The following ZNF609 variants were observed in gnomAD, a reference collection of about 807,000 sequenced individuals.
ZNF609 encodes zinc finger protein 609.
A neutral mutation model predicts 109.5 loss-of-function variants in ZNF609; 11 were observed. The ratio of observed to expected loss-of-function variants is 0.10; its 90% CI spans 0.06 to 0.17. The LOEUF (loss-of-function observed/expected upper bound fraction) is 0.17, where lower values mean the gene tolerates loss of function less well. Among genes scored for constraint, ZNF609 ranks in the 10% least tolerant of loss-of-function variants. The pLI, the probability that ZNF609 is intolerant of heterozygous loss-of-function variation, is 1.00. For synonymous variants in ZNF609, 646 were observed against 662.0 expected, an observed-to-expected ratio of 0.98 and a Z score of 0.37; for missense variants, 1,559 against 1,772.4, an observed-to-expected ratio of 0.88 and a Z score of 2.16.
intron 2 of ZNF609, 65 bp downstream of exon 2, chr15:64,500,231 A>G: frequency 6.4e-7 from 1 of 1,574,680 alleles, no homozygotes. Context: ...ACTAACTGCC[A>G]AATACTATGT....
At chr15:64,598,725 C>A in intron 2 of ZNF609, among the ~76,000 whole-genome samples, 1 of 123,876 alleles carries the variant, frequency 8.1e-6, no homozygotes, top group Non-Finnish European at 1.7e-5. Context: ...AACTGTCCAT[C>A]ATACATCTTT....
chr15:64,477,136 C>CTTTTTTTTTTTTT (rs911785223), intron 1 of ZNF609, among the ~76,000 whole-genome samples: 1 of 105,784 alleles, frequency 9.5e-6, no homozygotes, highest in Non-Finnish European at 1.9e-5. Flanking sequence ...TCTTCTCTTT[C>CTTTTTTTTTTTTT]TTTTTTTTTT....
intron 3 of ZNF609, among the ~76,000 whole-genome samples, chr15:64,637,539 C>T (rs1359297636): frequency 6.6e-6 from 1 of 152,128 alleles, no homozygotes; most frequent in Non-Finnish European, 1.5e-5. Flanking sequence ...GTGTTCTAGC[C>T]AACACTTGAC....
rs377115591 is a variant in ZNF609, at chr15:64,674,519, A to G, written c.1665A>G (p.Gln555=). The change falls in exon 5 of 10, where the codon CAA becomes CAG. Residue 555 remains glutamine, a synonymous_variant. Coordinates refer to ENST00000326648, the MANE Select transcript of ZNF609 (RefSeq NM_015042.2). ...LGSCNGASVS[Q]KGSLSPARSA... ...GCTGCAACGGTGCATCTGTCTCACAAAAAGGTTCCTTGTCCCCTGCCCGCT... is the reference window on the plus strand; with the variant it reads ...GCTGCAACGGTGCATCTGTCTCACAGAAAGGTTCCTTGTCCCCTGCCCGCT... The G allele has an allele frequency of 2.4e-5, 39 of 1,614,118 alleles. No individual in the cohort carries two copies. Among genetic ancestry groups the G allele is most frequent in the East Asian group, 2.2e-4 (10 of 44,872 alleles).
At chr15:64,601,241 G>A (rs1481688214) in intron 2 of ZNF609, among the ~76,000 whole-genome samples, 5 of 152,222 alleles carry the variant, frequency 3.3e-5, no homozygotes, top group Admixed American at 3.3e-4. Flanking sequence ...TGAGGCTGAG[G>A]AAGGAGACAA....
chr15:64,648,839 T>G (rs1896373610), intron 3 of ZNF609, among the ~76,000 whole-genome samples: 1 of 152,012 alleles, frequency 6.6e-6, no homozygotes, highest in Non-Finnish European at 1.5e-5. Flanking sequence ...CATTAGGACT[T>G]GGGAAACTTC....
intron 2 of ZNF609, among the ~76,000 whole-genome samples, chr15:64,505,007 C>T (rs1893614545): frequency 6.6e-6 from 1 of 152,152 alleles, no homozygotes; most frequent in African/African-American, 2.4e-5. Context: ...AAAATGCTTA[C>T]ATACTCCAAA....
intron 2 of ZNF609, among the ~76,000 whole-genome samples, chr15:64,557,790 A>G (rs954073541): frequency 6.6e-6 from 1 of 152,070 alleles, no homozygotes; most frequent in Non-Finnish European, 1.5e-5. Context: ...TGCGCCTCCC[A>G]GGTTCACGCC....
intron 2 of ZNF609, among the ~76,000 whole-genome samples, chr15:64,526,219 G>A (rs537933114): frequency 1.3e-5 from 2 of 150,914 alleles, no homozygotes; most frequent in African/African-American, 4.9e-5. Context: ...ATTTTAAATG[G>A]AATTGTTTTC....
chr15:64,488,233 C>G (rs1893359233), intron 1 of ZNF609, among the ~76,000 whole-genome samples: 1 of 152,096 alleles, frequency 6.6e-6, no homozygotes, highest in Non-Finnish European at 1.5e-5. Context: ...GATTTGACAG[C>G]TGACTGCTAA....
rs1009443142 is a variant in ZNF609, at chr15:64,635,862, C to T, written c.973+12810C>T. 2.2e-4 allele frequency among the ~76,000 whole-genome samples: 13 copies of T among 59,592 alleles called. No homozygotes were observed. The Admixed American group carries it at 2.8e-3, about 13-fold the overall frequency. The allele number at this position is 59,592 out of a possible 152,430, so 39.1% of individuals were successfully genotyped here. On this transcript the variant is annotated intron_variant, in intron 3 of 9. Transcript: ENST00000326648. ...ACTCCATTTCTCTCTTTAACTCGCT[C>T]TCTCTCTCTCTGACTACTCTGAAAC...
intron 2 of ZNF609, among the ~76,000 whole-genome samples, chr15:64,597,908 C>A (rs1013275308): frequency 3.3e-5 from 5 of 152,132 alleles, no homozygotes; most frequent in Admixed American, 3.3e-4. Context: ...CCCTTACCTA[C>A]CCTACCCTTA....
At chr15:64,609,798 C>T (rs1292198831) in intron 2 of ZNF609, among the ~76,000 whole-genome samples, 4 of 150,042 alleles carry the variant, frequency 2.7e-5, no homozygotes, top group African/African-American at 9.8e-5. Context: ...GAGGCCAAGG[C>T]GGGTGGATCA....
At chr15:64,645,864 C>A (rs927603737) in intron 3 of ZNF609, among the ~76,000 whole-genome samples, 2 of 152,180 alleles carry the variant, frequency 1.3e-5, no homozygotes, top group Middle Eastern at 3.4e-3. Context: ...TGGTTGTTAT[C>A]AAAAATGTGG....
chr15:64,483,460 C>G (rs1893285323), intron 1 of ZNF609, among the ~76,000 whole-genome samples: 2 of 152,062 alleles, frequency 1.3e-5, no homozygotes, highest in South Asian at 4.1e-4. Context: ...AATCATGGCT[C>G]ACTGCTTCAT....
chr15:64,677,700 G>A (rs1171836825), intron 5 of ZNF609, among the ~76,000 whole-genome samples: 2 of 152,120 alleles, frequency 1.3e-5, no homozygotes, highest in Admixed American at 1.3e-4. Flanking sequence ...TAATAGTTAT[G>A]CTTCCCTCCC....
At position 64,611,961 on chromosome 15, in the gene ZNF609, T is replaced by G. The variant is rs1198775794; in HGVS notation, c.748-10866T>G. 2.6e-5 allele frequency among the ~76,000 whole-genome samples: 4 copies of G among 151,192 alleles called. No individual in the cohort carries two copies. In the East Asian group the frequency reaches 7.9e-4, roughly 30 times the overall value. ...TATGTTGGCCAGGCTGGTCTTGAACTCCTCACCTCATGATCCGCCCACCTC... is the reference window on the plus strand; with the variant it reads ...TATGTTGGCCAGGCTGGTCTTGAACGCCTCACCTCATGATCCGCCCACCTC... On this transcript the variant is annotated intron_variant, in intron 2 of 9. Transcript: ENST00000326648.
intron 1 of ZNF609, among the ~76,000 whole-genome samples, chr15:64,491,879 T>C (rs1019328039): frequency 4.6e-5 from 7 of 151,380 alleles, no homozygotes; most frequent in Non-Finnish European, 1.0e-4. Context: ...GTCTTGAGAT[T>C]GGTACCTTGT....
intron 3 of ZNF609, among the ~76,000 whole-genome samples, chr15:64,667,846 TA>T (rs906476786): frequency 6.6e-6 from 1 of 152,034 alleles, no homozygotes; most frequent in African/African-American, 2.4e-5. Context: ...AAATAGATAC[TA>T]AAAAAGCTCA....
Sources: gnomAD v4.1 joint callset for allele counts (sites outside exome capture counted in the v4.1 genomes callset) on GRCh38, gnomAD v4.1.1 for gene constraint, MANE v1.5 for transcripts, NCBI Gene and HGNC (gene_info 2026-07-23, HGNC 2026-07-21) for gene names.